NRXN1: variants seen among roughly 807,000 people sequenced by gnomAD.
NRXN1 encodes the protein neurexin-1.
A neutral mutation model predicts 150.9 loss-of-function variants in NRXN1; 39 were observed. The observed-to-expected ratio is 0.26, with a 90% CI of 0.20 to 0.34. The LOEUF (loss-of-function observed/expected upper bound fraction) is 0.34, where lower values mean the gene tolerates loss of function less well. Ranked by LOEUF, NRXN1 falls within the 10% of genes least tolerant of loss-of-function variation. The pLI is 1.00. For missense variants in NRXN1, 1,815 were observed against 1,949.9 expected (o/e 0.93, Z 1.30); for synonymous variants, 924 against 757.0 (o/e 1.22, Z -3.62).
chr2:50,925,294 T>C (rs551292520), intron 3 of NRXN1, among the ~76,000 whole-genome samples: 6 of 151,840 alleles, frequency 4.0e-5, no homozygotes, highest in Non-Finnish European at 8.8e-5. Flanking sequence ...CTATATAACT[T>C]CTTCAAAATT....
At chr2:50,352,091 T>C (rs1198678850) in intron 17 of NRXN1, among the ~76,000 whole-genome samples, 7 of 152,154 alleles carry the variant, frequency 4.6e-5, no homozygotes, top group Admixed American at 3.9e-4. Flanking sequence ...AAGGACTGTA[T>C]GTGCTAAGCT....
intron 19 of NRXN1, among the ~76,000 whole-genome samples, chr2:50,074,338 A>G (rs909286440): frequency 2.0e-5 from 3 of 152,172 alleles, no homozygotes; most frequent in Non-Finnish European, 4.4e-5. Flanking sequence ...TTGCTTTCTT[A>G]AATATGTAAA....
intron 5 of NRXN1, among the ~76,000 whole-genome samples, chr2:50,702,550 A>T (rs1170141038): frequency 6.6e-6 from 1 of 151,764 alleles, no homozygotes; most frequent in African/African-American, 2.4e-5. Context: ...TATTCATAGC[A>T]TTTTTTTGAA....
At chr2:51,031,225 G>T (rs1323581719) in intron 1 of NRXN1, among the ~76,000 whole-genome samples, 1 of 151,942 alleles carries the variant, frequency 6.6e-6, no homozygotes, top group Non-Finnish European at 1.5e-5. Flanking sequence ...GAAATAAAGG[G>T]ATCTGAAAAA....
At chr2:50,009,302 A>G (rs766935011) in intron 21 of NRXN1, among the ~76,000 whole-genome samples, 2 of 152,182 alleles carry the variant, frequency 1.3e-5, no homozygotes, top group East Asian at 3.9e-4. Context: ...CACTAAGCAT[A>G]GAACGTTCTC....
intron 21 of NRXN1, chr2:49,974,330 G>T: frequency 2.2e-6 from 1 of 448,402 alleles, no homozygotes; most frequent in South Asian, 2.1e-5. Flanking sequence ...CACTCAAAAA[G>T]TCTCAGCAGT....
intron 19 of NRXN1, among the ~76,000 whole-genome samples, chr2:50,066,482 C>T (rs370328973): frequency 6.6e-6 from 1 of 152,054 alleles, no homozygotes; most frequent in South Asian, 2.1e-4. Flanking sequence ...ACCTAGATCA[C>T]AATCAAAATG....
intron 17 of NRXN1, among the ~76,000 whole-genome samples, chr2:50,323,543 A>G (rs2076184549): frequency 1.3e-5 from 2 of 151,312 alleles, no homozygotes; most frequent in Non-Finnish European, 2.9e-5. Flanking sequence ...AAATGAGAAG[A>G]CTGACAACGC....
At chr2:50,586,141 TG>T (rs1033168180) in intron 8 of NRXN1, among the ~76,000 whole-genome samples, 1 of 152,190 alleles carries the variant, frequency 6.6e-6, no homozygotes, top group African/African-American at 2.4e-5. Context: ...ATGTCTGAAA[TG>T]CCCCAAACCT....
At chr2:50,908,362 T>TACACACACACACACAC (rs71404979) in intron 5 of NRXN1, among the ~76,000 whole-genome samples, 35 of 148,228 alleles carry the variant, frequency 2.4e-4, no homozygotes, top group Admixed American at 4.7e-4. Flanking sequence ...CATTCACACA[T>TACACACACACACACAC]ACACACACAC....
chr2:50,135,092 A>T (rs1325431145), intron 18 of NRXN1, among the ~76,000 whole-genome samples: 3 of 152,198 alleles, frequency 2.0e-5, no homozygotes, highest in African/African-American at 7.2e-5. Flanking sequence ...TTGCAATCCC[A>T]AAGCTGCCAT....
intron 8 of NRXN1, among the ~76,000 whole-genome samples, chr2:50,603,335 G>A (rs146322856): frequency 1.5e-4 from 23 of 152,290 alleles, no homozygotes; most frequent in African/African-American, 4.8e-4. Flanking sequence ...CATCAAAGCC[G>A]TTGGCTGGCT....
intron 8 of NRXN1, among the ~76,000 whole-genome samples, chr2:50,562,257 T>C (rs1669199010): frequency 6.6e-6 from 1 of 152,082 alleles, no homozygotes; most frequent in Non-Finnish European, 1.5e-5. Context: ...TTAGTATAAG[T>C]ATATAATATA....
chr2:50,866,018 T>C (rs1435291670), intron 5 of NRXN1, among the ~76,000 whole-genome samples: 1 of 151,794 alleles, frequency 6.6e-6, no homozygotes, highest in Non-Finnish European at 1.5e-5. Flanking sequence ...GAATTTTTCA[T>C]GTTTTTTCTT....
intron 18 of NRXN1, among the ~76,000 whole-genome samples, chr2:50,214,473 T>C (rs1332433274): frequency 2.0e-5 from 3 of 151,962 alleles, no homozygotes; most frequent in African/African-American, 7.2e-5. Context: ...ATTTGGGTCA[T>C]TTTTGTCCAG....
At chr2:50,968,761 T>C (rs548824242) in intron 2 of NRXN1, among the ~76,000 whole-genome samples, 1 of 152,236 alleles carries the variant, frequency 6.6e-6, no homozygotes, top group African/African-American at 2.4e-5. Flanking sequence ...CCCATTTTCC[T>C]CTCAACACAT....
chr2:50,508,010 G>A (rs1186560343), intron 12 of NRXN1, among the ~76,000 whole-genome samples: 1 of 151,906 alleles, frequency 6.6e-6, no homozygotes, highest in Non-Finnish European at 1.5e-5. Context: ...AAAGAGGAGA[G>A]CAAGAGAGAT....
At chr2:50,724,529 G>A (rs1165606526) in intron 5 of NRXN1, among the ~76,000 whole-genome samples, 4 of 151,956 alleles carry the variant, frequency 2.6e-5, no homozygotes, top group Non-Finnish European at 2.9e-5. Flanking sequence ...GCATATTAAT[G>A]AATAAATAAA....
At chr2:50,643,434 T>C (rs1158634643) in intron 5 of NRXN1, among the ~76,000 whole-genome samples, 1 of 152,004 alleles carries the variant, frequency 6.6e-6, no homozygotes, top group Non-Finnish European at 1.5e-5. Flanking sequence ...AACTTATAAA[T>C]CAGTTCCATC....
Sources: allele counts gnomAD v4.1 joint callset (sites outside exome capture counted in the v4.1 genomes callset), GRCh38; gene constraint gnomAD v4.1.1; transcripts MANE v1.5; gene names NCBI Gene and HGNC (gene_info 2026-07-23, HGNC 2026-07-21).